Variants in CPEB3 observed in about 807,000 individuals in gnomAD.
The protein encoded by CPEB3 is cytoplasmic polyadenylation element-binding protein 3.
A neutral mutation model predicts 67.2 loss-of-function variants in CPEB3; 20 were observed. The observed-to-expected ratio is 0.30, with a 90% CI of 0.21 to 0.43. The LOEUF is 0.43. CPEB3 is among the 20% of genes least tolerant of loss of function. The probability of loss-of-function intolerance (pLI) is 1.00; values close to 1 mark genes in which losing one functional copy is unlikely to be tolerated. For missense variants in CPEB3, 746 were observed against 968.6 expected (o/e 0.77, Z 3.05); for synonymous variants, 376 against 393.1 (o/e 0.96, Z 0.51).
intron 6 of CPEB3, among the ~76,000 whole-genome samples, chr10:92,129,271 A>G (rs981973978): frequency 2.0e-5 from 3 of 152,146 alleles, no homozygotes; most frequent in East Asian, 1.9e-4. Flanking sequence ...TCACTTATAC[A>G]TGGGAGCTAA....
intron 1 of CPEB3, among the ~76,000 whole-genome samples, chr10:92,265,373 T>G (rs1488980236): frequency 6.6e-6 from 1 of 152,096 alleles, no homozygotes; most frequent in East Asian, 1.9e-4. Flanking sequence ...GGCAGAAGCC[T>G]CCACCTAAAC....
intron 1 of CPEB3, among the ~76,000 whole-genome samples, chr10:92,274,672 C>T (rs1053666998): frequency 5.3e-5 from 8 of 152,090 alleles, no homozygotes; most frequent in Non-Finnish European, 5.9e-5. Context: ...GAAACCCCAT[C>T]TCTACTAAAA....
At chr10:92,065,892 G>C (rs140067419) in intron 9 of CPEB3, among the ~76,000 whole-genome samples, 1 of 152,014 alleles carries the variant, frequency 6.6e-6, no homozygotes, top group East Asian at 1.9e-4. Context: ...TCAGGAGCTC[G>C]AGACCAGCCT....
intron 9 of CPEB3, chr10:92,076,150 T>C (rs1327785191): frequency 6.6e-6 from 1 of 152,212 alleles, no homozygotes; most frequent in Non-Finnish European, 1.5e-5. Flanking sequence ...AAAAATTCAC[T>C]GCATCTATAT....
At chr10:92,139,218 A>G (rs2421874) in intron 6 of CPEB3, among the ~76,000 whole-genome samples, 58,690 of 151,180 alleles carry the variant, frequency 0.39, 12,166 homozygotes, top group African/African-American at 0.53. Flanking sequence ...TGGAGGTTGA[A>G]GTGAGCCAAG....
chr10:92,206,786 C>G (rs1445197685), intron 2 of CPEB3, among the ~76,000 whole-genome samples: 1 of 152,092 alleles, frequency 6.6e-6, no homozygotes, highest in East Asian at 1.9e-4. Context: ...AAGTTTTTCA[C>G]TTAAGTAAAC....
At chr10:92,084,875 G>A (rs1016299970) in intron 8 of CPEB3, among the ~76,000 whole-genome samples, 5 of 152,020 alleles carry the variant, frequency 3.3e-5, no homozygotes, top group Admixed American at 3.3e-4. Context: ...CACCGTGCCC[G>A]GCCTCATCTG....
chr10:92,165,339 A>C (rs1847685715), intron 4 of CPEB3, among the ~76,000 whole-genome samples: 1 of 151,866 alleles, frequency 6.6e-6, no homozygotes, highest in African/African-American at 2.4e-5. Context: ...AATAAAAAAC[A>C]ATACTTTATT....
intron 1 of CPEB3, among the ~76,000 whole-genome samples, chr10:92,264,008 T>C (rs1852927005): frequency 6.6e-6 from 1 of 152,078 alleles, no homozygotes; most frequent in African/African-American, 2.4e-5. Context: ...ATCATTCTTC[T>C]CATTTTTCAG....
chr10:92,081,218 A>C, intron 9 of CPEB3, 102 bp downstream of exon 9: 19 of 1,198,664 alleles, frequency 1.6e-5, no homozygotes, highest in East Asian at 2.3e-5. Context: ...CATGCAAGGT[A>C]GAGCTGGTCA....
chr10:92,137,395 G>C, intron 6 of CPEB3: 2 of 1,113,470 alleles, frequency 1.8e-6, no homozygotes, highest in Non-Finnish European at 2.5e-6. Context: ...GTTTGTACTG[G>C]ACGAAGCTGA....
At chr10:92,118,770 A>T in intron 6 of CPEB3, 1 of 756,406 alleles carries the variant, frequency 1.3e-6, no homozygotes, top group Non-Finnish European at 2.5e-6. Flanking sequence ...CAAGAGATGG[A>T]GCGGTTCTGG....
At chr10:92,230,694 A>G (rs188679123) in intron 2 of CPEB3, among the ~76,000 whole-genome samples, 1 of 152,348 alleles carries the variant, frequency 6.6e-6, no homozygotes, top group African/African-American at 2.4e-5. Context: ...GCAGAACTGA[A>G]GTATAATAGG....
intron 2 of CPEB3, chr10:92,216,273 T>C (rs1261903287): frequency 1.4e-6 from 2 of 1,472,018 alleles, no homozygotes; most frequent in Non-Finnish European, 1.8e-6. Context: ...CCATCTCTAC[T>C]AAAAACATAA....
At position 92,095,596 on chromosome 10, in the gene CPEB3, A is replaced by AT. The variant is rs1307377625; in HGVS notation, c.1573-3653dup. Among the ~76,000 whole-genome samples the AT allele has an allele frequency of 3.8e-3, 315 of 82,476 alleles. 2 individuals are homozygous for AT. Among genetic ancestry groups the AT allele is most frequent in the African/African-American group, 0.019 (299 of 15,474 alleles). The allele number at this position is 82,476 out of a possible 152,430, so 54.1% of individuals were successfully genotyped here. A position where few individuals can be genotyped will look rare whatever the true frequency, so the allele number is the denominator to read the frequency against. ...CTGGTCCTGATTTATATATATATATATATATTTTTTTTTTTTCATTGTGTA... is the reference window on the plus strand; with the variant it reads ...CTGGTCCTGATTTATATATATATATATTATATTTTTTTTTTTTCATTGTGTA... On this transcript the variant is annotated intron_variant, in intron 7 of 9. Coordinates refer to ENST00000265997, the MANE Select transcript of CPEB3 (RefSeq NM_014912.5).
Position 92,050,939 on chromosome 10 carries a change from G to A in CPEB3, c.*1273C>T, listed in dbSNP as rs1782382115. 2 of 152,620 alleles carry A rather than the reference G, an allele frequency of 1.3e-5. No individual in the cohort carries two copies. Among genetic ancestry groups the A allele is most frequent in the South Asian group, 2.1e-4 (1 of 4,828 alleles). 9.5% of individuals were successfully genotyped at this position (152,620 alleles called of 1,614,324 possible). On this transcript the variant is annotated 3_prime_UTR_variant, in exon 10 of 10. Transcript: ENST00000265997. ...TGTTAGTTTATAATATATCAGTTAT[G>A]AACTGTCAAGTTCATTAATGTCTGA...
At chr10:92,248,794 A>G (rs541243442) in intron 1 of CPEB3, among the ~76,000 whole-genome samples, 89 of 152,324 alleles carry the variant, frequency 5.8e-4, no homozygotes, top group Non-Finnish European at 1.1e-3. Flanking sequence ...CAAGATTATA[A>G]TAGACGCCCT....
intron 9 of CPEB3, among the ~76,000 whole-genome samples, chr10:92,079,098 A>G (rs575155280): frequency 1.9e-4 from 29 of 152,198 alleles, no homozygotes; most frequent in African/African-American, 6.0e-4. Context: ...TAAGAACCCA[A>G]AGCTCTTCAG....
intron 8 of CPEB3, among the ~76,000 whole-genome samples, chr10:92,086,148 C>T (rs1203897221): frequency 2.0e-5 from 3 of 152,064 alleles, no homozygotes; most frequent in South Asian, 2.1e-4. Flanking sequence ...TTCTAAACTG[C>T]GAATCTATAA....
Sources: gnomAD v4.1 joint callset for allele counts (sites outside exome capture counted in the v4.1 genomes callset) on GRCh38, gnomAD v4.1.1 for gene constraint, MANE v1.5 for transcripts, NCBI Gene and HGNC (gene_info 2026-07-23, HGNC 2026-07-21) for gene names.